DPP10: variants seen among roughly 807,000 people sequenced by gnomAD.
The protein encoded by DPP10 is inactive dipeptidyl peptidase 10.
In DPP10, 33 loss-of-function variants were observed where a neutral mutation model predicts 120.9. The ratio of observed to expected loss-of-function variants is 0.27; its 90% confidence interval spans 0.21 to 0.37. The LOEUF (loss-of-function observed/expected upper bound fraction) is 0.37. DPP10 is among the 10% of genes least tolerant of loss of function. The pLI is 1.00. For synonymous variants in DPP10, 337 were observed against 326.1 expected, an observed-to-expected ratio of 1.03 and a Z score of -0.36; for missense variants, 816 against 942.8, an observed-to-expected ratio of 0.87 and a Z score of 1.76.
At chr2:115,245,087 A>G (rs1225522780) in intron 1 of DPP10, among the ~76,000 whole-genome samples, 1 of 152,020 alleles carries the variant, frequency 6.6e-6, no homozygotes, top group Non-Finnish European at 1.5e-5. Flanking sequence ...AACTGAGGAC[A>G]TGTGATATTT....
At chr2:115,012,599 T>C (rs1702346397) in intron 1 of DPP10, among the ~76,000 whole-genome samples, 1 of 152,102 alleles carries the variant, frequency 6.6e-6, no homozygotes. Context: ...TCACTATAGT[T>C]TGGCTCACAG....
At chr2:114,445,461 A>C (rs1011034320) in intron 1 of DPP10, among the ~76,000 whole-genome samples, 27 of 152,034 alleles carry the variant, frequency 1.8e-4, no homozygotes, top group African/African-American at 6.5e-4. Context: ...ATGCAATGGG[A>C]ATGAACAAAA....
At chr2:114,779,214 T>C (rs6754133) in intron 1 of DPP10, among the ~76,000 whole-genome samples, 14,567 of 152,124 alleles carry the variant, frequency 0.096, 960 homozygotes, top group African/African-American at 0.17. Context: ...GATGTGGATG[T>C]GGACACTAAA....
At chr2:115,769,463 C>T (rs1681190784) in intron 13 of DPP10, among the ~76,000 whole-genome samples, 1 of 151,950 alleles carries the variant, frequency 6.6e-6, no homozygotes, top group Non-Finnish European at 1.5e-5. Context: ...TGTTCAGGGT[C>T]TGTGTAATTA....
At chr2:114,614,952 G>A (rs1693566055) in intron 1 of DPP10, among the ~76,000 whole-genome samples, 1 of 152,104 alleles carries the variant, frequency 6.6e-6, no homozygotes, top group East Asian at 1.9e-4. Context: ...GAAACAAGGG[G>A]AGCAGTGAAG....
chr2:115,096,028 T>C (rs1471195899), intron 1 of DPP10, among the ~76,000 whole-genome samples: 1 of 152,046 alleles, frequency 6.6e-6, no homozygotes, highest in Non-Finnish European at 1.5e-5. Flanking sequence ...TGCCAAGAAG[T>C]CATAAAATTT....
intron 1 of DPP10, among the ~76,000 whole-genome samples, chr2:115,102,263 C>G (rs2048726748): frequency 6.6e-6 from 1 of 152,164 alleles, no homozygotes; most frequent in Admixed American, 6.5e-5. Context: ...GGCTCCAACC[C>G]TCATGACCAT....
chr2:115,815,823 T>A (rs928211547), intron 21 of DPP10, 94 bp downstream of exon 21: 2 of 1,250,292 alleles, frequency 1.6e-6, no homozygotes, highest in Non-Finnish European at 2.3e-6. Context: ...TGGTTACAGA[T>A]AAGTTCCATA....
chr2:114,904,561 C>A (rs1477923369), intron 1 of DPP10, among the ~76,000 whole-genome samples: 1 of 152,056 alleles, frequency 6.6e-6, no homozygotes, highest in East Asian at 1.9e-4. Flanking sequence ...AATTCTCAGC[C>A]AATTCATATT....
chr2:115,735,671 C>A (rs1013889086), intron 8 of DPP10, among the ~76,000 whole-genome samples: 1 of 149,732 alleles, frequency 6.7e-6, no homozygotes, highest in African/African-American at 2.5e-5. Context: ...CAGGTGCCCA[C>A]CACGCCCAGC....
At chr2:114,580,428 A>G (rs1558901197) in intron 1 of DPP10, among the ~76,000 whole-genome samples, 5 of 152,202 alleles carry the variant, frequency 3.3e-5, no homozygotes, top group Admixed American at 3.3e-4. Context: ...TGGAAAGAAA[A>G]ATGGTTCTCT....
chr2:115,407,208 G>T (rs888213300), intron 3 of DPP10, among the ~76,000 whole-genome samples: 8 of 152,206 alleles, frequency 5.3e-5, no homozygotes, highest in Admixed American at 1.3e-4. Flanking sequence ...GAAATAATCA[G>T]TCAGGAAAAG....
At chr2:115,737,390 C>T (rs1009952576) in intron 8 of DPP10, among the ~76,000 whole-genome samples, 3 of 152,112 alleles carry the variant, frequency 2.0e-5, no homozygotes, top group Admixed American at 2.0e-4. Flanking sequence ...CACTTGGTAT[C>T]CCATGGTGAG....
intron 1 of DPP10, among the ~76,000 whole-genome samples, chr2:114,826,630 A>G (rs1686565552): frequency 6.6e-6 from 1 of 152,106 alleles, no homozygotes; most frequent in African/African-American, 2.4e-5. Flanking sequence ...TCCCAGGTTC[A>G]AGTGATTCTT....
intron 1 of DPP10, among the ~76,000 whole-genome samples, chr2:115,281,201 T>TAATGC (rs1426911681): frequency 5.9e-5 from 9 of 152,218 alleles, no homozygotes; most frequent in Non-Finnish European, 1.3e-4. Context: ...AATAGGTACC[T>TAATGC]TAATGAGGCA....
intron 1 of DPP10, among the ~76,000 whole-genome samples, chr2:115,238,155 G>A (rs898429071): frequency 6.6e-6 from 1 of 152,182 alleles, no homozygotes; most frequent in Admixed American, 6.5e-5. Flanking sequence ...GGCTGATGGA[G>A]CTGACAGCTT....
chr2:115,289,346 T>C (rs2060545499), intron 1 of DPP10, among the ~76,000 whole-genome samples: 1 of 151,828 alleles, frequency 6.6e-6, no homozygotes, highest in Non-Finnish European at 1.5e-5. Flanking sequence ...GCTCATGCAT[T>C]GGAAGAATCA....
Position 115,020,596 on chromosome 2 carries a change from C to A in DPP10, c.61-288643C>A, listed in dbSNP as rs542981779. On this transcript the variant is annotated intron_variant, in intron 1 of 25. Coordinates refer to ENST00000410059, the MANE Select transcript of DPP10 (RefSeq NM_020868.6). ...TTAATACTCCACCGTCAGCACTAGA[C>A]AGGTCATCAAGACAGAAACTCAACA... Among the ~76,000 whole-genome samples, 3 of 152,172 alleles carry A rather than the reference C, an allele frequency of 2.0e-5. No homozygotes were observed. In the South Asian group the frequency reaches 6.2e-4, roughly 32 times the overall value.
chr2:115,385,348 TTTC>T (rs1326019815), intron 3 of DPP10, among the ~76,000 whole-genome samples: 13 of 124,466 alleles, frequency 1.0e-4, no homozygotes, highest in East Asian at 2.2e-4. Flanking sequence ...TATTTCTGTC[TTTC>T]TTTTTTTTTT....
Sources: allele counts gnomAD v4.1 joint callset (sites outside exome capture counted in the v4.1 genomes callset), GRCh38; gene constraint gnomAD v4.1.1; transcripts MANE v1.5; gene names NCBI Gene and HGNC (gene_info 2026-07-23, HGNC 2026-07-21).